The following NRXN1 variants were observed in gnomAD, a reference collection of about 807,000 sequenced individuals.
NRXN1 encodes neurexin 1.
In NRXN1, 39 loss-of-function variants were observed where a neutral mutation model predicts 150.9. The observed-to-expected ratio is 0.26, with a 90% CI of 0.20 to 0.34. The LOEUF is 0.34. Ranked by LOEUF, NRXN1 falls within the 10% of genes least tolerant of loss-of-function variation. The pLI is 1.00. For missense variants in NRXN1, 1,815 were observed against 1,949.9 expected (o/e 0.93, Z 1.30); for synonymous variants, 924 against 757.0 (o/e 1.22, Z -3.62).
intron 2 of NRXN1, among the ~76,000 whole-genome samples, chr2:51,005,182 C>CA (rs1700556634): frequency 6.6e-6 from 1 of 151,918 alleles, no homozygotes; most frequent in African/African-American, 2.4e-5. Flanking sequence ...TTTTATTCCT[C>CA]ATCTTCTTTA....
intron 5 of NRXN1, among the ~76,000 whole-genome samples, chr2:50,915,527 T>A (rs919344570): frequency 2.0e-5 from 3 of 151,586 alleles, no homozygotes; most frequent in Non-Finnish European, 4.4e-5. Flanking sequence ...GTAACAGATA[T>A]CTAAATAATT....
chr2:49,997,883 G>A lies in NRXN1; in HGVS notation c.4129-54092C>T, dbSNP rs943858534. On this transcript the variant is annotated intron_variant, in intron 21 of 22. Transcript: ENST00000401669. ...CAAGGGAGACTTCACATAGGGAAAGGAGGCAAGGAAGGCTTAAAGTGAGGG... is the reference window on the plus strand; with the variant it reads ...CAAGGGAGACTTCACATAGGGAAAGAAGGCAAGGAAGGCTTAAAGTGAGGG... Among the ~76,000 whole-genome samples, 4 of 152,106 alleles carry A rather than the reference G, an allele frequency of 2.6e-5. 1 individual carries two copies. The highest frequency in any genetic ancestry group is 7.2e-5 in the African/African-American group (3 of 41,414).
At chr2:50,667,199 A>C (rs1688190785) in intron 5 of NRXN1, among the ~76,000 whole-genome samples, 1 of 151,932 alleles carries the variant, frequency 6.6e-6, no homozygotes, top group Non-Finnish European at 1.5e-5. Flanking sequence ...TAGTCAAGTA[A>C]ACTGCACTTT....
At chr2:50,496,117 G>A (rs767171077) in intron 14 of NRXN1, 22 bp from the exon 15 acceptor site, 2 of 1,555,388 alleles carry the variant, frequency 1.3e-6, no homozygotes, top group South Asian at 1.2e-5. Flanking sequence ...ATGAAAGAGG[G>A]GAAAGTGCCA....
intron 5 of NRXN1, among the ~76,000 whole-genome samples, chr2:50,649,474 C>T (rs1685293134): frequency 6.6e-6 from 1 of 151,912 alleles, no homozygotes; most frequent in Non-Finnish European, 1.5e-5. Flanking sequence ...ATGAGAAACC[C>T]TAGATTTTAA....
chr2:50,271,693 A>C (rs896717710), intron 17 of NRXN1, among the ~76,000 whole-genome samples: 10 of 152,206 alleles, frequency 6.6e-5, no homozygotes, highest in African/African-American at 2.4e-4. Context: ...ACCTATTCAT[A>C]AATCTTGTAC....
intron 8 of NRXN1, among the ~76,000 whole-genome samples, chr2:50,585,759 G>A (rs887300688): frequency 6.6e-6 from 1 of 152,088 alleles, no homozygotes; most frequent in Non-Finnish European, 1.5e-5. Context: ...GGTTTTTGAT[G>A]GGGCCTCAGT....
intron 17 of NRXN1, among the ~76,000 whole-genome samples, chr2:50,291,196 G>T (rs1113099): frequency 2.0e-5 from 3 of 150,620 alleles, no homozygotes; most frequent in Non-Finnish European, 4.4e-5. Flanking sequence ...ATTGGCTCAC[G>T]TGCTTCCCAC....
In NRXN1 at chr2:50,170,307, G is replaced by GT. The variant is rs928920031; in HGVS notation, c.3546+66481dup. ...ATTTTGTTTTGTTTTGTTTTGTTTT[G>GT]TTTTTTTTGAGACAGTCTCACTCTA... is the stretch of plus-strand genomic sequence containing the variant. On this transcript the variant is annotated intron_variant, in intron 18 of 22. Transcript: ENST00000401669. Among the ~76,000 whole-genome samples the GT allele has an allele frequency of 1.2e-3, 183 of 151,236 alleles. 1 individual carries two copies. The highest frequency in any genetic ancestry group is 4.1e-3 in the African/African-American group (170 of 41,264).
chr2:49,987,829 C>T (rs1203083800), intron 21 of NRXN1, among the ~76,000 whole-genome samples: 2 of 150,556 alleles, frequency 1.3e-5, no homozygotes, highest in African/African-American at 2.4e-5. Flanking sequence ...TATTATTATA[C>T]ATTTTTTTCC....
In NRXN1 at chr2:50,389,521, T is replaced by C. The variant is rs192320889; in HGVS notation, c.3364+75921A>G. Among the ~76,000 whole-genome samples the C allele has an allele frequency of 2.1e-3, 322 of 152,096 alleles. 2 individuals carry two copies. Among genetic ancestry groups the C allele is most frequent in the Admixed American group, 5.1e-3 (77 of 15,232 alleles). On this transcript the variant is annotated intron_variant, in intron 17 of 22. Coordinates refer to ENST00000401669, the MANE Select transcript of NRXN1 (RefSeq NM_001330078.2). ...TAAATCTCTTGATTAGACCCAAATGTATGAAATTCTAATACTGATTCTTTG... is the reference window on the plus strand; with the variant it reads ...TAAATCTCTTGATTAGACCCAAATGCATGAAATTCTAATACTGATTCTTTG...
chr2:50,570,644 A>G (rs2105455083), intron 8 of NRXN1, among the ~76,000 whole-genome samples: 1 of 152,244 alleles, frequency 6.6e-6, no homozygotes, highest in Middle Eastern at 3.4e-3. Flanking sequence ...TGGTCAAATA[A>G]GGAATTAGAT....
intron 12 of NRXN1, among the ~76,000 whole-genome samples, chr2:50,521,573 A>C (rs1357649957): frequency 6.6e-6 from 1 of 152,208 alleles, no homozygotes; most frequent in Non-Finnish European, 1.5e-5. Context: ...GAGCACACAA[A>C]ACATTTCAAT....
At chr2:50,920,675 T>C (rs890296706) in intron 5 of NRXN1, among the ~76,000 whole-genome samples, 1 of 151,708 alleles carries the variant, frequency 6.6e-6, no homozygotes. Context: ...TAAAAATGTT[T>C]AGAAAGCACT....
chr2:50,194,587 T>C (rs2061642196), intron 18 of NRXN1, among the ~76,000 whole-genome samples: 1 of 152,162 alleles, frequency 6.6e-6, no homozygotes, highest in Non-Finnish European at 1.5e-5. Flanking sequence ...GACAGTTCCC[T>C]TTGAAAGATA....
At chr2:50,386,661 A>G (rs2081348684) in intron 17 of NRXN1, among the ~76,000 whole-genome samples, 2 of 152,176 alleles carry the variant, frequency 1.3e-5, no homozygotes, top group Admixed American at 6.6e-5. Flanking sequence ...TGCAACTTCA[A>G]TGATTCAGGA....
chr2:50,575,305 G>A (rs1253587460), intron 8 of NRXN1, among the ~76,000 whole-genome samples: 6 of 152,170 alleles, frequency 3.9e-5, no homozygotes, highest in Non-Finnish European at 8.8e-5. Flanking sequence ...GTGCATTGCT[G>A]TGCAATCAGC....
intron 5 of NRXN1, among the ~76,000 whole-genome samples, chr2:50,815,381 G>C (rs1279097473): frequency 1.3e-5 from 2 of 152,118 alleles, no homozygotes; most frequent in Non-Finnish European, 2.9e-5. Context: ...AGGATGAGGA[G>C]AGTAAGATAA....
chr2:50,996,028 A>T (rs940376848), intron 2 of NRXN1, among the ~76,000 whole-genome samples: 11 of 152,086 alleles, frequency 7.2e-5, no homozygotes, highest in African/African-American at 2.7e-4. Flanking sequence ...GGAGGGGAAA[A>T]GTCTTGCCTA....
Sources: allele counts gnomAD v4.1 joint callset (sites outside exome capture counted in the v4.1 genomes callset), GRCh38; gene constraint gnomAD v4.1.1; transcripts MANE v1.5; gene names NCBI Gene and HGNC (gene_info 2026-07-23, HGNC 2026-07-21).